The following NTM variants were observed in gnomAD, a reference collection of about 807,000 sequenced individuals.
NTM encodes IgLON family member 2.
NTM carries 13 observed loss-of-function variants against 42.1 expected under a neutral mutation model. The ratio of observed to expected loss-of-function variants is 0.31; its 90% CI spans 0.20 to 0.49. The LOEUF is 0.49. Ranked by LOEUF, NTM falls within the 20% of genes least tolerant of loss-of-function variation. The pLI is 0.99. For synonymous variants in NTM, 187 were observed against 179.2 expected, an observed-to-expected ratio of 1.04 and a Z score of -0.35; for missense variants, 373 against 452.8, an observed-to-expected ratio of 0.82 and a Z score of 1.60.
intron 1 of NTM, among the ~76,000 whole-genome samples, chr11:131,625,459 T>A (rs2063005316): frequency 6.6e-6 from 1 of 152,080 alleles, no homozygotes; most frequent in African/African-American, 2.4e-5. Flanking sequence ...ACTGGAGACT[T>A]CTTAGAGAAA....
intron 3 of NTM, among the ~76,000 whole-genome samples, chr11:132,192,928 G>A (rs1222994958): frequency 1.3e-5 from 2 of 152,014 alleles, no homozygotes; most frequent in Non-Finnish European, 2.9e-5. Flanking sequence ...AATTATAAAG[G>A]GCTCAATTCA....
At chr11:131,643,610 C>T (rs148612628) in intron 1 of NTM, among the ~76,000 whole-genome samples, 1 of 152,298 alleles carries the variant, frequency 6.6e-6, no homozygotes, top group African/African-American at 2.4e-5. Context: ...TGAGCCTAAT[C>T]ATCTAGAGGG....
intron 2 of NTM, among the ~76,000 whole-genome samples, chr11:132,001,180 G>A (rs1207519997): frequency 6.6e-6 from 1 of 152,144 alleles, no homozygotes; most frequent in Non-Finnish European, 1.5e-5. Context: ...ATCAAAGTAG[G>A]GCATTGTGGT....
intron 1 of NTM, among the ~76,000 whole-genome samples, chr11:131,389,420 A>C (rs1350533713): frequency 6.6e-6 from 1 of 152,178 alleles, no homozygotes; most frequent in Non-Finnish European, 1.5e-5. Context: ...CGGGCGGCAG[A>C]AGAAATTTCA....
intron 2 of NTM, among the ~76,000 whole-genome samples, chr11:132,019,544 C>G (rs117526189): frequency 6.6e-6 from 1 of 152,046 alleles, no homozygotes; most frequent in East Asian, 1.9e-4. Flanking sequence ...TATATGAACT[C>G]TTTTATCATA....
At chr11:131,445,879 G>A (rs1950019182) in intron 1 of NTM, among the ~76,000 whole-genome samples, 1 of 152,166 alleles carries the variant, frequency 6.6e-6, no homozygotes, top group African/African-American at 2.4e-5. Flanking sequence ...GCATAACGGT[G>A]CTCATTAATT....
chr11:131,462,770 A>G (rs1290121435), intron 1 of NTM, among the ~76,000 whole-genome samples: 1 of 152,092 alleles, frequency 6.6e-6, no homozygotes, highest in African/African-American at 2.4e-5. Flanking sequence ...TTCTCCCTAG[A>G]GCGGGCCCAC....
intron 1 of NTM, among the ~76,000 whole-genome samples, chr11:131,596,503 A>G (rs1434060892): frequency 6.6e-6 from 1 of 152,172 alleles, no homozygotes; most frequent in Non-Finnish European, 1.5e-5. Flanking sequence ...GACCCCTGAC[A>G]TACTCCATCT....
chr11:131,759,244 A>T (rs558210082), intron 1 of NTM, among the ~76,000 whole-genome samples: 105 of 152,306 alleles, frequency 6.9e-4, no homozygotes, highest in Non-Finnish European at 1.3e-3. Flanking sequence ...AGGCATATTT[A>T]TAAGACCTCT....
At chr11:131,680,787 C>CAG (rs2072494964) in intron 1 of NTM, among the ~76,000 whole-genome samples, 1 of 89,004 alleles carries the variant, frequency 1.1e-5, no homozygotes, top group Non-Finnish European at 2.4e-5. Flanking sequence ...ATGTGAGTGC[C>CAG]TGTGTGTGTG....
At chr11:132,250,570 A>T (rs1271912760) in intron 4 of NTM, among the ~76,000 whole-genome samples, 1 of 147,792 alleles carries the variant, frequency 6.8e-6, no homozygotes, top group Admixed American at 6.8e-5. Context: ...GGCATTCTTC[A>T]TCTCTTTGTC....
intron 1 of NTM, among the ~76,000 whole-genome samples, chr11:131,576,202 C>T (rs553692836): frequency 6.6e-6 from 1 of 152,276 alleles, no homozygotes; most frequent in Non-Finnish European, 1.5e-5. Context: ...AGTAATATGG[C>T]TTTGCTCACA....
In NTM at chr11:131,820,383, A is replaced by G. The variant is rs1007137871; in HGVS notation, c.83-91181A>G. Among the ~76,000 whole-genome samples, 13 of 152,332 alleles carry G rather than the reference A, an allele frequency of 8.5e-5. No individual in the cohort carries two copies. The East Asian group carries it at 2.5e-3, about 29-fold the overall frequency. On this transcript the variant is annotated intron_variant, in intron 1 of 8. Coordinates refer to ENST00000683400, the MANE Select transcript of NTM (RefSeq NM_001352005.2). ...TCTTAACTCCCTGTGGATTGGAATC[A>G]CGCATTCCCATATCACCACTAGTTG...
At chr11:131,801,546 C>T (rs145359798) in intron 1 of NTM, among the ~76,000 whole-genome samples, 20 of 152,310 alleles carry the variant, frequency 1.3e-4, no homozygotes, top group Non-Finnish European at 1.5e-5. Context: ...TTTTAAAATG[C>T]CCTTACCAAA....
At position 132,034,903 on chromosome 11, in the gene NTM, A is replaced by G. The variant is rs570067611; in HGVS notation, c.168-111379A>G. On this transcript the variant is annotated intron_variant, in intron 2 of 8. Coordinates refer to ENST00000683400, the MANE Select transcript of NTM (RefSeq NM_001352005.2). The stretch of plus-strand genomic sequence containing the variant: ...TACTGAGGGCAGATGATATACATTC[A>G]TGATACAAGCACATAAACTCCAGAG... Among the ~76,000 whole-genome samples, 4 of 152,352 alleles carry G rather than the reference A, an allele frequency of 2.6e-5. No homozygotes were observed. In the East Asian group the frequency reaches 7.7e-4, roughly 29 times the overall value.
At chr11:131,684,790 C>T (rs1007180676) in intron 1 of NTM, among the ~76,000 whole-genome samples, 1 of 152,230 alleles carries the variant, frequency 6.6e-6, no homozygotes, top group African/African-American at 2.4e-5. Context: ...GTGCAAGATA[C>T]AGGCTGGGCC....
intron 1 of NTM, among the ~76,000 whole-genome samples, chr11:131,714,335 T>C (rs1354906486): frequency 6.6e-6 from 1 of 152,096 alleles, no homozygotes; most frequent in Non-Finnish European, 1.5e-5. Context: ...ACTTCAGGCA[T>C]GCACTACCAT....
intron 1 of NTM, among the ~76,000 whole-genome samples, chr11:131,489,334 A>G (rs1954523258): frequency 6.6e-6 from 1 of 152,048 alleles, no homozygotes; most frequent in Non-Finnish European, 1.5e-5. Context: ...GAACTTCCTT[A>G]TCCCTTTATT....
chr11:131,887,403 G>A (rs537939079), intron 1 of NTM, among the ~76,000 whole-genome samples: 3 of 152,246 alleles, frequency 2.0e-5, no homozygotes, highest in African/African-American at 4.8e-5. Context: ...ACTGTCTAGC[G>A]AGCCTTGTGG....
Sources: allele counts gnomAD v4.1 joint callset (sites outside exome capture counted in the v4.1 genomes callset), GRCh38; gene constraint gnomAD v4.1.1; transcripts MANE v1.5; gene names NCBI Gene and HGNC (gene_info 2026-07-23, HGNC 2026-07-21).